HNRNPA1: variants seen among roughly 807,000 people sequenced by gnomAD.
The protein encoded by HNRNPA1 is epididymis secretory sperm binding protein.
Under a neutral mutation model 44.4 loss-of-function variants are expected in HNRNPA1, and 7 were observed. That is an observed-to-expected ratio of 0.16 (90% confidence interval 0.09 to 0.30). The LOEUF (loss-of-function observed/expected upper bound fraction) is 0.30. Ranked by LOEUF, HNRNPA1 falls within the 10% of genes least tolerant of loss-of-function variation. The pLI is 1.00. For missense variants in HNRNPA1, 193 were observed against 465.8 expected (o/e 0.41, Z 5.39); for synonymous variants, 169 against 160.6 (o/e 1.05, Z -0.40).
Position 54,286,390 on chromosome 12 carries a change from A to G in HNRNPA1, c.*1846A>G, listed in dbSNP as rs1024212848. On this transcript the variant is annotated 3_prime_UTR_variant, in exon 11 of 11. Coordinates refer to ENST00000340913, the MANE Select transcript of HNRNPA1 (RefSeq NM_031157.4). The stretch of plus-strand genomic sequence containing the variant: ...GCCAAAACTAGTCCAGTTAAGCTGA[A>G]CTTGGTTTTTCTGGAGATGAATTGT... 7 of 152,216 alleles carry G rather than the reference A, an allele frequency of 4.6e-5. No individual in the cohort carries two copies. Among genetic ancestry groups the G allele is most frequent in the African/African-American group, 1.7e-4 (7 of 41,446 alleles). 9.4% of individuals were successfully genotyped at this position (152,216 alleles called of 1,614,324 possible). A position where few individuals can be genotyped will look rare whatever the true frequency, so the allele number is the denominator to read the frequency against.
intron 1 of HNRNPA1, chr12:54,281,047 A>G (rs910345690): frequency 1.4e-6 from 1 of 708,214 alleles, no homozygotes; most frequent in African/African-American, 1.7e-5. Context: ...ACTCGTAGCA[A>G]AATTCTTAGG....
chr12:54,281,463 G>A lies in HNRNPA1; in HGVS notation c.93G>A (p.Arg31=), dbSNP rs757914524. Residue 31 remains arginine (R), a synonymous_variant, in exon 2 of 11, where the codon AGG becomes AGA. Coordinates refer to ENST00000340913, the MANE Select transcript of HNRNPA1 (RefSeq NM_031157.4). ...LSFETTDESL[R]SHFEQWGTLT... ...TTGAAACAACTGATGAGAGCCTGAG[G>A]AGCCATTTTGAGCAATGGGGAACGC... 17 of 1,611,690 alleles carry A rather than the reference G, an allele frequency of 1.1e-5. No individual in the cohort carries two copies. The highest frequency in any genetic ancestry group is 2.7e-5 in the African/African-American group (2 of 74,838).
At chr12:54,283,454 A>T (rs1944212056) in intron 8 of HNRNPA1, among the ~76,000 whole-genome samples, 1 of 152,202 alleles carries the variant, frequency 6.6e-6, no homozygotes, top group Non-Finnish European at 1.5e-5. Flanking sequence ...TTAGTATCAT[A>T]GAAGGATTTA....
intron 10 of HNRNPA1, 46 bp from the exon 11 acceptor site, chr12:54,284,503 T>C: frequency 1.4e-6 from 1 of 723,014 alleles, no homozygotes; most frequent in Non-Finnish European, 2.5e-6. Flanking sequence ...TAGCCTTGAG[T>C]CTTAATATGT....
chr12:54,281,226 C>A, intron 1 of HNRNPA1, 160 bp from the exon 2 acceptor site: 1 of 709,666 alleles, frequency 1.4e-6, no homozygotes, highest in South Asian at 1.5e-5. Context: ...CTCCCAACTC[C>A]AGCATACGGC....
At chr12:54,283,444 T>G (rs1944211636) in intron 8 of HNRNPA1, among the ~76,000 whole-genome samples, 1 of 152,172 alleles carries the variant, frequency 6.6e-6, no homozygotes, top group African/African-American at 2.4e-5. Flanking sequence ...TTGAGTTAGA[T>G]TAGTATCATA....
Position 54,280,841 on chromosome 12 carries a change from C to T in HNRNPA1, c.15+19C>T. 1.2e-6 allele frequency: 2 copies of T among 1,613,956 alleles called. No individual in the cohort carries two copies. The highest frequency in any genetic ancestry group is 1.7e-6 in the Non-Finnish European group (2 of 1,179,814). ...GTCAGAGGTGAGTTAGGCGCGCTTT[C>T]CCACTTGAATTTTTTCCTCTCCCTT... On this transcript the variant is annotated intron_variant, in intron 1 of 10. Transcript: ENST00000340913.
chr12:54,280,864 C>CT (rs1338182696), intron 1 of HNRNPA1, 42 bp downstream of exon 1: 1 of 1,609,660 alleles, frequency 6.2e-7, no homozygotes, highest in Non-Finnish European at 8.5e-7. Flanking sequence ...TTTCCTCTCC[C>CT]TTTCCTGAAT....
In HNRNPA1 at chr12:54,282,554, T is replaced by G. The variant is rs188366612; in HGVS notation, c.584-19T>G. ...TACTCCAGTATGAATGATTTAATGC[T>G]TAAACTTCATGTCTTAAGGTCGAAG... On this transcript the variant is annotated intron_variant, in intron 5 of 10. Transcript: ENST00000340913. 1 of 1,613,158 alleles carries G rather than the reference T, an allele frequency of 6.2e-7. No individual in the cohort carries two copies. The highest frequency in any genetic ancestry group is 8.5e-7 in the Non-Finnish European group (1 of 1,179,102).
chr12:54,283,281 C>T, intron 8 of HNRNPA1, 47 bp downstream of exon 8: 1 of 1,589,708 alleles, frequency 6.3e-7, no homozygotes, highest in Non-Finnish European at 8.6e-7. Flanking sequence ...CTAGATTAGC[C>T]TTTTAGAGCT....
rs537037310 is a variant in HNRNPA1 at position 54,284,558 on chromosome 12, C to A, written c.*14C>A. On this transcript the variant is annotated 3_prime_UTR_variant, in exon 11 of 11. Transcript: ENST00000340913. ...CCATATTGTTCAACAGGAAACAAAGCTTAGCAGGAGAGGAGAGCCAGAGAA... is the reference window on the plus strand; with the variant it reads ...CCATATTGTTCAACAGGAAACAAAGATTAGCAGGAGAGGAGAGCCAGAGAA... 2.6e-4 allele frequency: 186 copies of A among 718,746 alleles called. No homozygotes were observed. The highest frequency in any genetic ancestry group is 1.9e-3 in the South Asian group (130 of 67,376). The allele number at this position is 718,746 out of a possible 1,614,324, so 44.5% of individuals were successfully genotyped here.
rs1403508288 is a variant in HNRNPA1, at chr12:54,284,708, G to A, written c.*164G>A. The A allele has an allele frequency of 3.8e-5, 18 of 471,106 alleles. No individual in the cohort carries two copies. The highest frequency in any genetic ancestry group is 1.2e-4 in the Admixed American group (5 of 40,566). The allele number at this position is 471,106 out of a possible 1,614,324, so 29.2% of individuals were successfully genotyped here. A position where few individuals can be genotyped will look rare whatever the true frequency, so the allele number is the denominator to read the frequency against. On this transcript the variant is annotated 3_prime_UTR_variant, in exon 11 of 11. Coordinates refer to ENST00000340913, the MANE Select transcript of HNRNPA1 (RefSeq NM_031157.4). The stretch of plus-strand genomic sequence containing the variant: ...ACTCATGTGTATGGGCAAAAAACTC[G>A]AGGACTGTATTTGTGACTAATTGTA...
rs758636079 is a variant in HNRNPA1 at position 54,280,862 on chromosome 12, C to T, written c.15+40C>T. The T allele has an allele frequency of 1.2e-5, 20 of 1,610,616 alleles. No homozygotes were observed. In the Admixed American group the frequency reaches 3.2e-4, roughly 25 times the overall value. On this transcript the variant is annotated intron_variant, in intron 1 of 10. Transcript: ENST00000340913. ...CTTTCCCACTTGAATTTTTTCCTCT[C>T]CCTTTCCTGAATCGGTAAGATGCTG...
chr12:54,281,090 C>T (rs933958597), intron 1 of HNRNPA1: 2 of 701,098 alleles, frequency 2.9e-6, no homozygotes, highest in African/African-American at 3.5e-5. Context: ...TTAAACCTTG[C>T]CTTGGTGAGC....
intron 1 of HNRNPA1, 126 bp downstream of exon 1, chr12:54,280,948 C>T: frequency 9.6e-7 from 1 of 1,042,300 alleles, no homozygotes; most frequent in Non-Finnish European, 1.5e-6. Context: ...CCACGGCCTA[C>T]CCCTCCCAAA....
At position 54,286,613 on chromosome 12, in the gene HNRNPA1, G is replaced by A. The variant is rs1459423529; in HGVS notation, c.*2069G>A. 2 of 152,190 alleles carry A rather than the reference G, an allele frequency of 1.3e-5. No individual in the cohort carries two copies. The highest frequency in any genetic ancestry group is 2.9e-5 in the Non-Finnish European group (2 of 68,038). The allele number at this position is 152,190 out of a possible 1,614,324, so 9.4% of individuals were successfully genotyped here. ...GGGAGGTATGGGGGGTTTAGCTTGA[G>A]ATGGGACTTGGTCTTAGAGCTAGTT... On this transcript the variant is annotated 3_prime_UTR_variant, in exon 11 of 11. Coordinates refer to ENST00000340913, the MANE Select transcript of HNRNPA1 (RefSeq NM_031157.4).
rs572098513 is a variant in HNRNPA1 at position 54,283,320 on chromosome 12, T to G, written c.907+86T>G. On this transcript the variant is annotated intron_variant, in intron 8 of 10. Coordinates refer to ENST00000340913, the MANE Select transcript of HNRNPA1 (RefSeq NM_031157.4). ...GTTCTGGTGCTGTTGAAGCATTGTG[T>G]GGTACACTGCATGGTATATTAAAAA... is the stretch of plus-strand genomic sequence containing the variant. 108 of 1,420,912 alleles carry G rather than the reference T, an allele frequency of 7.6e-5. No homozygotes were observed. In the African/African-American group the frequency reaches 1.4e-3, roughly 18 times the overall value. The allele number at this position is 1,420,912 out of a possible 1,614,324, so 88.0% of individuals were successfully genotyped here.
At chr12:54,283,312 G>C in intron 8 of HNRNPA1, 78 bp downstream of exon 8, 1 of 1,489,578 alleles carries the variant, frequency 6.7e-7, no homozygotes, top group Non-Finnish European at 9.2e-7. Context: ...TGCTGTTGAA[G>C]CATTGTGTGG....
At chr12:54,283,776 C>T in intron 8 of HNRNPA1, 36 bp from the exon 9 acceptor site, 1 of 1,597,674 alleles carries the variant, frequency 6.3e-7, no homozygotes, top group Non-Finnish European at 8.6e-7. Context: ...ACATCATCCT[C>T]AGGTAACAGA....
Sources: gnomAD v4.1 joint callset for allele counts (sites outside exome capture counted in the v4.1 genomes callset) on GRCh38, gnomAD v4.1.1 for gene constraint, MANE v1.5 for transcripts, NCBI Gene and HGNC (gene_info 2026-07-23, HGNC 2026-07-21) for gene names.